Variants in HDAC9 observed in about 807,000 individuals in gnomAD.
HDAC9 encodes MEF-2 interacting transcription repressor (MITR) protein.
In HDAC9, 41 loss-of-function variants were observed where a neutral mutation model predicts 139.4. The observed-to-expected ratio is 0.29, with a 90% CI of 0.23 to 0.38. The LOEUF (loss-of-function observed/expected upper bound fraction) is 0.38. Ranked by LOEUF, HDAC9 falls within the 10% of genes least tolerant of loss-of-function variation. The pLI, the probability that HDAC9 is intolerant of heterozygous loss-of-function variation, is 1.00. For synonymous variants in HDAC9, 517 were observed against 476.2 expected (o/e 1.09, Z -1.12); for missense variants, 1,147 against 1,297.0 (o/e 0.88, Z 1.78).
chr7:18,582,476 G>T (rs1009394100), intron 2 of HDAC9, among the ~76,000 whole-genome samples: 1 of 151,950 alleles, frequency 6.6e-6, no homozygotes, highest in Non-Finnish European at 1.5e-5. Context: ...GACTTTAAGA[G>T]GCTTGATAAA....
intron 22 of HDAC9, among the ~76,000 whole-genome samples, chr7:18,900,499 T>C (rs1055868016): frequency 2.1e-4 from 32 of 152,288 alleles, no homozygotes; most frequent in African/African-American, 7.7e-4. Flanking sequence ...TTAAGGGTTA[T>C]TGCCTTTCTG....
chr7:18,938,563 C>G (rs1462899621), intron 23 of HDAC9, among the ~76,000 whole-genome samples: 1 of 151,944 alleles, frequency 6.6e-6, no homozygotes, highest in Non-Finnish European at 1.5e-5. Context: ...CCACTGCATT[C>G]CAGCCTGGGC....
intron 2 of HDAC9, among the ~76,000 whole-genome samples, chr7:18,185,447 A>G (rs1198451739): frequency 6.6e-6 from 1 of 152,348 alleles, no homozygotes; most frequent in East Asian, 1.9e-4. Flanking sequence ...AAGTAAATAA[A>G]TATAAAATCC....
At chr7:18,784,758 C>T (rs1338484895) in intron 16 of HDAC9, among the ~76,000 whole-genome samples, 1 of 152,020 alleles carries the variant, frequency 6.6e-6, no homozygotes, top group Non-Finnish European at 1.5e-5. Flanking sequence ...AGATAGTGAA[C>T]AATTAGAAGG....
intron 6 of HDAC9, among the ~76,000 whole-genome samples, chr7:18,603,493 G>A (rs1320578875): frequency 6.6e-6 from 1 of 151,936 alleles, no homozygotes; most frequent in African/African-American, 2.4e-5. Flanking sequence ...TCTAGAGTTT[G>A]ATGAATCCAT....
chr7:18,287,940 A>G (rs781261390), upstream of HDAC9, among the ~76,000 whole-genome samples: 2 of 152,218 alleles, frequency 1.3e-5, no homozygotes, highest in Non-Finnish European at 2.9e-5. Flanking sequence ...TATAGGTGAA[A>G]CACCTGTTTA....
chr7:18,828,331 G>A (rs1174695091), intron 17 of HDAC9, among the ~76,000 whole-genome samples: 1 of 152,160 alleles, frequency 6.6e-6, no homozygotes, highest in Non-Finnish European at 1.5e-5. Context: ...TGTGATAAAT[G>A]ATTACTTCAC....
At chr7:18,492,844 G>T (rs1796470397), upstream of HDAC9, among the ~76,000 whole-genome samples, 1 of 151,878 alleles carries the variant, frequency 6.6e-6, no homozygotes. Flanking sequence ...TATAGTTGAT[G>T]GTTGTTTTGA....
chr7:18,349,104 G>T (rs1479875633), intron 1 of HDAC9, among the ~76,000 whole-genome samples: 1 of 151,942 alleles, frequency 6.6e-6, no homozygotes, highest in African/African-American at 2.4e-5. Flanking sequence ...GCTTCCTAAT[G>T]GTTTTCTGTC....
intron 1 of HDAC9, among the ~76,000 whole-genome samples, chr7:18,317,208 A>G (rs1381752332): frequency 6.6e-6 from 1 of 151,508 alleles, no homozygotes. Flanking sequence ...AAATAAATAA[A>G]TAAATTAATT....
At chr7:18,912,018 G>T (rs985633181) in intron 22 of HDAC9, among the ~76,000 whole-genome samples, 1 of 151,950 alleles carries the variant, frequency 6.6e-6, no homozygotes, top group African/African-American at 2.4e-5. Context: ...GTCTAGTGTA[G>T]ATTAAATCCA....
At chr7:18,900,841 G>T (rs542025244) in intron 22 of HDAC9, among the ~76,000 whole-genome samples, 59 of 152,102 alleles carry the variant, frequency 3.9e-4, no homozygotes, top group African/African-American at 1.4e-3. Flanking sequence ...ACAGTCTAGT[G>T]TATAGATACC....
intron 1 of HDAC9, among the ~76,000 whole-genome samples, chr7:18,144,301 C>G (rs1354567949): frequency 6.6e-6 from 1 of 152,166 alleles, no homozygotes; most frequent in Non-Finnish European, 1.5e-5. Context: ...TTCTGAACTG[C>G]TTGTTGTTCC....
chr7:18,747,913 A>G (rs1562909492), intron 13 of HDAC9, among the ~76,000 whole-genome samples: 1 of 152,202 alleles, frequency 6.6e-6, no homozygotes, highest in Non-Finnish European at 1.5e-5. Flanking sequence ...AATGTACTTT[A>G]TTAAACTTCT....
At chr7:18,684,770 ATATATT>A (rs1308582752) in intron 12 of HDAC9, among the ~76,000 whole-genome samples, 18 of 151,952 alleles carry the variant, frequency 1.2e-4, no homozygotes, top group African/African-American at 4.1e-4. Flanking sequence ...ATATATACAC[ATATATT>A]TATATGTATA....
chr7:18,702,194 G>C (rs888284848), intron 12 of HDAC9, among the ~76,000 whole-genome samples: 5 of 152,134 alleles, frequency 3.3e-5, no homozygotes, highest in Non-Finnish European at 7.4e-5. Context: ...ATGGTTGTTT[G>C]CTCCTCTCTC....
chr7:18,452,543 A>T (rs1019354940), intron 1 of HDAC9, among the ~76,000 whole-genome samples: 1 of 152,166 alleles, frequency 6.6e-6, no homozygotes. Context: ...GCAGACTTAG[A>T]TGCATCAATA....
rs142333142 is a variant in HDAC9 at position 18,534,408 on chromosome 7, A to G, written c.22+38084A>G. Among the ~76,000 whole-genome samples the G allele has an allele frequency of 4.0e-3, 611 of 152,262 alleles. 2 individuals carry two copies. Among genetic ancestry groups the G allele is most frequent in the Non-Finnish European group, 6.9e-3 (470 of 68,002 alleles). ...AACAACAACAACAAATTAGCCAGGC[A>G]TGGCAGTGCATGCCTGTAGTTCCTG... On this transcript the variant is annotated intron_variant, in intron 2 of 25. Transcript: ENST00000686413.
intron 21 of HDAC9, among the ~76,000 whole-genome samples, chr7:18,869,147 G>GGGGTGT (rs869054896): frequency 2.9e-5 from 4 of 138,128 alleles, no homozygotes; most frequent in Non-Finnish European, 6.2e-5. Context: ...TCACAATTGG[G>GGGGTGT]GTGTGTGTGT....
Sources: allele counts gnomAD v4.1 joint callset (sites outside exome capture counted in the v4.1 genomes callset), GRCh38; gene constraint gnomAD v4.1.1; transcripts MANE v1.5; gene names NCBI Gene and HGNC (gene_info 2026-07-23, HGNC 2026-07-21).